The following EHBP1 variants were observed in gnomAD, a reference collection of about 807,000 sequenced individuals.
EHBP1 encodes the protein EH domain-binding protein 1.
A neutral mutation model predicts 144.0 loss-of-function variants in EHBP1; 55 were observed. The ratio of observed to expected loss-of-function variants is 0.38; its 90% CI spans 0.31 to 0.48. The LOEUF (loss-of-function observed/expected upper bound fraction) is 0.48, where lower values mean the gene tolerates loss of function less well. EHBP1 is among the 20% of genes least tolerant of loss of function. The pLI is 0.98. For synonymous variants in EHBP1, 469 were observed against 472.7 expected (o/e 0.99, Z 0.10); for missense variants, 1,200 against 1,364.2 (o/e 0.88, Z 1.90).
intron 14 of EHBP1, among the ~76,000 whole-genome samples, chr2:62,976,484 A>T (rs995614837): frequency 6.6e-6 from 1 of 152,086 alleles, no homozygotes; most frequent in African/African-American, 2.4e-5. Flanking sequence ...CCCTTTTAAA[A>T]TTTTCAGACT....
chr2:62,834,486 C>G (rs1275288351), intron 7 of EHBP1, among the ~76,000 whole-genome samples: 1 of 152,222 alleles, frequency 6.6e-6, no homozygotes, highest in Non-Finnish European at 1.5e-5. Flanking sequence ...AAGATTATCA[C>G]TTACTGAAGG....
intron 19 of EHBP1, among the ~76,000 whole-genome samples, chr2:62,998,813 T>G (rs2059741644): frequency 6.6e-6 from 1 of 152,166 alleles, no homozygotes; most frequent in Non-Finnish European, 1.5e-5. Context: ...TACTGCAGAT[T>G]TAGACCAAAA....
intron 7 of EHBP1, among the ~76,000 whole-genome samples, chr2:62,839,867 T>C (rs1401668440): frequency 1.3e-5 from 2 of 151,498 alleles, no homozygotes; most frequent in Non-Finnish European, 3.0e-5. Context: ...GAACATTCCA[T>C]GCTCATGGGT....
intron 2 of EHBP1, among the ~76,000 whole-genome samples, chr2:62,739,925 G>A (rs573392302): frequency 1.0e-3 from 142 of 140,246 alleles, no homozygotes; most frequent in Non-Finnish European, 1.9e-3. Flanking sequence ...TAGAGTGAGA[G>A]CCTGTCTCAG....
intron 5 of EHBP1, among the ~76,000 whole-genome samples, chr2:62,823,817 A>T (rs1480525771): frequency 1.3e-5 from 2 of 152,052 alleles, no homozygotes. Flanking sequence ...TATATCAAGG[A>T]CATAGTATAT....
At chr2:62,884,892 G>A (rs535027356) in intron 10 of EHBP1, among the ~76,000 whole-genome samples, 24 of 152,262 alleles carry the variant, frequency 1.6e-4, no homozygotes, top group African/African-American at 5.8e-4. Context: ...GCAGGAAAAT[G>A]TGTTTTACAT....
At chr2:62,724,892 T>C (rs2036598327) in intron 2 of EHBP1, among the ~76,000 whole-genome samples, 1 of 152,222 alleles carries the variant, frequency 6.6e-6, no homozygotes, top group Admixed American at 6.5e-5. Flanking sequence ...ACTTGTATGC[T>C]CCTTATGAGA....
intron 2 of EHBP1, among the ~76,000 whole-genome samples, chr2:62,732,386 C>T (rs1193373133): frequency 2.6e-5 from 4 of 152,110 alleles, no homozygotes; most frequent in Non-Finnish European, 4.4e-5. Flanking sequence ...ATGTCTGATA[C>T]GGTTTGGATC....
chr2:62,917,047 A>G (rs1004554770), intron 10 of EHBP1, among the ~76,000 whole-genome samples: 1 of 152,124 alleles, frequency 6.6e-6, no homozygotes, highest in African/African-American at 2.4e-5. Context: ...CATTATATGA[A>G]CATCTTAGAG....
At chr2:62,727,986 A>G (rs542616684) in intron 2 of EHBP1, among the ~76,000 whole-genome samples, 1 of 152,198 alleles carries the variant, frequency 6.6e-6, no homozygotes, top group Non-Finnish European at 1.5e-5. Flanking sequence ...TGAGACATGC[A>G]GACTGGGCTG....
At chr2:62,944,334 A>C (rs1025165243) in intron 12 of EHBP1, among the ~76,000 whole-genome samples, 1 of 152,224 alleles carries the variant, frequency 6.6e-6, no homozygotes, top group South Asian at 2.1e-4. Context: ...CATTTTGGTC[A>C]AAAACAGACC....
chr2:62,853,114 T>C (rs973444516), intron 7 of EHBP1, among the ~76,000 whole-genome samples: 1 of 152,206 alleles, frequency 6.6e-6, no homozygotes, highest in Non-Finnish European at 1.5e-5. Flanking sequence ...GAAAGATCTA[T>C]AACATACCTC....
rs1395665778 is a variant in EHBP1, at chr2:63,046,400, A to AT, written c.*906dup. 1.3e-5 allele frequency: 2 copies of AT among 152,624 alleles called. No homozygotes were observed. The highest frequency in any genetic ancestry group is 2.4e-5 in the African/African-American group (1 of 41,446). 9.5% of individuals were successfully genotyped at this position (152,624 alleles called of 1,614,324 possible). On this transcript the variant is annotated 3_prime_UTR_variant, in exon 23 of 23. Transcript: ENST00000431489. The stretch of plus-strand genomic sequence containing the variant: ...TTTTCTTCTTTAGCATAGCACTGTC[A>AT]TTTTTTGTGAAAATGGTTATGTTTA...
chr2:62,859,138 A>T, intron 7 of EHBP1, 31 bp from the exon 8 acceptor site: 1 of 1,581,900 alleles, frequency 6.3e-7, no homozygotes. Context: ...CTTAACCATA[A>T]TAGGGAACTA....
At chr2:62,862,453 A>G (rs2049648319) in intron 8 of EHBP1, among the ~76,000 whole-genome samples, 1 of 152,066 alleles carries the variant, frequency 6.6e-6, no homozygotes, top group African/African-American at 2.4e-5. Context: ...TACTAAAAAT[A>G]CAAAAAATTA....
At chr2:62,957,277 A>G (rs1164140479) in intron 14 of EHBP1, among the ~76,000 whole-genome samples, 1 of 152,224 alleles carries the variant, frequency 6.6e-6, no homozygotes, top group Non-Finnish European at 1.5e-5. Flanking sequence ...AAAAATATCA[A>G]CATCCATTCA....
At chr2:62,968,830 T>A (rs2058363356) in intron 14 of EHBP1, among the ~76,000 whole-genome samples, 1 of 152,200 alleles carries the variant, frequency 6.6e-6, no homozygotes, top group African/African-American at 2.4e-5. Context: ...TCTGACTGGC[T>A]TCTTTTAGGC....
At chr2:62,747,219 T>A (rs145972163) in intron 2 of EHBP1, among the ~76,000 whole-genome samples, 176 bp from the exon 3 acceptor site, 32 of 152,246 alleles carry the variant, frequency 2.1e-4, no homozygotes, top group African/African-American at 7.2e-4. Flanking sequence ...AAATATTAGT[T>A]ATGCAAATTA....
rs553789402 is a variant in EHBP1 at position 62,816,701 on chromosome 2, T to G, written c.313-9386T>G. 2.8e-4 allele frequency among the ~76,000 whole-genome samples: 42 copies of G among 152,324 alleles called. No homozygotes were observed. The South Asian group carries it at 8.7e-3, about 32-fold the overall frequency. On this transcript the variant is annotated intron_variant, in intron 5 of 22. Transcript: ENST00000431489. ...TGGAGTTGTCATGGATTTAGCTAGT[T>G]TAAGACGTGGCTCTATTGTCTCCTG...
Sources: gnomAD v4.1 joint callset for allele counts (sites outside exome capture counted in the v4.1 genomes callset) on GRCh38, gnomAD v4.1.1 for gene constraint, MANE v1.5 for transcripts, NCBI Gene and HGNC (gene_info 2026-07-23, HGNC 2026-07-21) for gene names.